The following PHOSPHO1 variants were observed in gnomAD, a reference collection of about 807,000 sequenced individuals.
PHOSPHO1 encodes phosphoethanolamine/phosphocholine phosphatase 1.
Under a neutral mutation model 17.7 loss-of-function variants are expected in PHOSPHO1, and 6 were observed. That is an observed-to-expected ratio of 0.34 (90% CI 0.19 to 0.67). The LOEUF (loss-of-function observed/expected upper bound fraction) is 0.67, where lower values mean the gene tolerates loss of function less well. Among genes scored for constraint, PHOSPHO1 ranks in the 30% least tolerant of loss-of-function variants. PHOSPHO1 has a pLI of 0.69. For synonymous variants in PHOSPHO1, 159 were observed against 174.6 expected (o/e 0.91, Z 0.71); for missense variants, 330 against 392.1 (o/e 0.84, Z 1.34).
intron 1 of PHOSPHO1, among the ~76,000 whole-genome samples, chr17:49,229,318 T>G (rs1193420272): frequency 6.6e-6 from 1 of 151,962 alleles, no homozygotes; most frequent in Non-Finnish European, 1.5e-5. Context: ...TCCCTCAGAG[T>G]AGGGGGCAGG....
chr17:49,229,202 AC>A (rs1567890702), intron 1 of PHOSPHO1: 1 of 152,066 alleles, frequency 6.6e-6, no homozygotes. Flanking sequence ...AGTCAGAGGA[AC>A]CCCTTCCCCA....
intron 1 of PHOSPHO1, among the ~76,000 whole-genome samples, chr17:49,228,787 CAAAAAAAAA>C (rs71144585): frequency 1.3e-5 from 1 of 78,828 alleles, no homozygotes; most frequent in Non-Finnish European, 2.5e-5. Context: ...GACTCCGTCT[CAAAAAAAAA>C]AAAAAAAAAA....
chr17:49,224,885 G>A lies in PHOSPHO1; in HGVS notation c.165C>T (p.Leu55=), dbSNP rs1364860776. ...SIVRAAPGQR[L]PESLRATYRE... The stretch of plus-strand genomic sequence containing the variant: ...GGTAGGTGGCTCGCAGGCTCTCCGG[G>A]AGCCGCTGGCCCGGCGCGGCGCGCA... The change falls in exon 3 of 3, where the codon CTC becomes CTT. Residue 55 remains leucine, a synonymous_variant. Coordinates refer to ENST00000310544, the MANE Select transcript of PHOSPHO1 (RefSeq NM_178500.4). The A allele has an allele frequency of 7.5e-6, 12 of 1,604,630 alleles. No homozygotes were observed. Among genetic ancestry groups the A allele is most frequent in the Non-Finnish European group, 9.4e-6 (11 of 1,176,348 alleles).
intron 1 of PHOSPHO1, among the ~76,000 whole-genome samples, chr17:49,227,518 C>T (rs751178676): frequency 6.6e-6 from 1 of 152,128 alleles, no homozygotes; most frequent in Admixed American, 6.5e-5. Context: ...TTGAATGAGA[C>T]CAGAAGCAGC....
In PHOSPHO1 at chr17:49,224,255, C is replaced by G; in HGVS notation, c.795G>C (p.Lys265Asn). ...CTGCAGGCGGCCAGACTCAGCACGACTTCAGCACCTGTTGCAGGTGGAGGC... is the reference window on the plus strand; with the variant it reads ...CTGCAGGCGGCCAGACTCAGCACGAGTTCAGCACCTGTTGCAGGTGGAGGC... ...DVRLHLQQVLKSC is the reference protein window; with the variant it reads ...DVRLHLQQVLNSC Residue 265 changes from lysine (K) to asparagine (N), a missense_variant, in exon 3 of 3, where the codon AAG becomes AAC. Transcript: ENST00000310544. 6.3e-7 allele frequency: 1 copy of G among 1,581,828 alleles called. No individual in the cohort carries two copies. The highest frequency in any genetic ancestry group is 8.6e-7 in the Non-Finnish European group (1 of 1,168,540).
chr17:49,228,683 G>C (rs981977147), intron 1 of PHOSPHO1, among the ~76,000 whole-genome samples: 3 of 151,768 alleles, frequency 2.0e-5, no homozygotes, highest in Non-Finnish European at 4.4e-5. Context: ...CCAGCTACTC[G>C]GGAGGCTGAG....
intron 1 of PHOSPHO1, 48 bp from the exon 2 acceptor site, chr17:49,226,806 G>T: frequency 8.1e-7 from 1 of 1,229,566 alleles, no homozygotes; most frequent in Non-Finnish European, 1.2e-6. Flanking sequence ...AGCTGACTTT[G>T]CTTCCACCAG....
intron 2 of PHOSPHO1, 54 bp from the exon 3 acceptor site, chr17:49,225,058 G>C (rs1447427599): frequency 2.8e-6 from 4 of 1,449,052 alleles, no homozygotes; most frequent in East Asian, 2.5e-5. Context: ...GCAAGCGAGA[G>C]GGGGCGCGGC....
chr17:49,226,359 T>A (rs2043357221), intron 2 of PHOSPHO1, among the ~76,000 whole-genome samples: 1 of 152,188 alleles, frequency 6.6e-6, no homozygotes, highest in Non-Finnish European at 1.5e-5. Context: ...ATTGGCTATC[T>A]GCCTCCCTAA....
Position 49,224,940 on chromosome 17 carries a change from A to G in PHOSPHO1, c.110T>C (p.Ile37Thr). 6.3e-7 allele frequency: 1 copy of G among 1,589,298 alleles called. No homozygotes were observed. Among genetic ancestry groups the G allele is most frequent in the Non-Finnish European group, 8.6e-7 (1 of 1,168,876 alleles). Residue 37 changes from isoleucine (I) to threonine (T), a missense_variant, in exon 3 of 3, where the codon ATC becomes ACC. Physicochemically the swap from Ile to Thr is moderately conservative, Grantham distance 89. Transcript: ENST00000310544. The part of the protein sequence containing the change: ...FLLTFDFDET[I>T]VDENSDDSIV... ...CGAATCGTCGCTGTTTTCGTCCACG[A>G]TAGTCTCGTCGAAGTCGAAGGTCAG...
rs1203664891 is a variant in PHOSPHO1, at chr17:49,227,991, T to C, written c.-67-1233A>G. On this transcript the variant is annotated intron_variant, in intron 1 of 2. Transcript: ENST00000310544. ...ACAAGGAAATGGCATGGGTTGGAGC[T>C]GTCCCCAGTCCCTATCTGGAGGGAC... Among the ~76,000 whole-genome samples, 3 of 152,146 alleles carry C rather than the reference T, an allele frequency of 2.0e-5. No individual in the cohort carries two copies. The East Asian group carries it at 5.8e-4, about 29-fold the overall frequency.
chr17:49,226,917 A>G (rs1451536511), intron 1 of PHOSPHO1, among the ~76,000 whole-genome samples, 159 bp from the exon 2 acceptor site: 1 of 152,184 alleles, frequency 6.6e-6, no homozygotes, highest in Non-Finnish European at 1.5e-5. Context: ...CTACAACTCT[A>G]GAGAGGTTTC....
intron 1 of PHOSPHO1, among the ~76,000 whole-genome samples, chr17:49,228,769 G>A (rs1413972959): frequency 1.5e-5 from 2 of 136,464 alleles, no homozygotes; most frequent in African/African-American, 2.8e-5. Context: ...CAGCCTGGGC[G>A]ACAGCGAGAC....
In PHOSPHO1 at chr17:49,224,493, C is replaced by T. The variant is rs569600565; in HGVS notation, c.557G>A (p.Arg186His). 48 of 1,571,656 alleles carry T rather than the reference C, an allele frequency of 3.1e-5. No individual in the cohort carries two copies. The highest frequency in any genetic ancestry group is 4.0e-5 in the Non-Finnish European group (47 of 1,161,324). The change falls in exon 3 of 3, where the codon CGC becomes CAC. Residue 186 changes from arginine to histidine, a missense_variant. Physicochemically the swap from Arg to His is conservative, Grantham distance 29. Transcript: ENST00000310544. ...CKHKVLSDYLRERAHDGVHFE... is the reference protein window; with the variant it reads ...CKHKVLSDYLHERAHDGVHFE... ...GTGCACGCCGTCGTGGGCCCGCTCG[C>T]GCAGGTAGTCGCTGAGCACCTTGTG... is the stretch of plus-strand genomic sequence containing the variant.
At chr17:49,227,194 A>C (rs2043365821) in intron 1 of PHOSPHO1, among the ~76,000 whole-genome samples, 1 of 152,176 alleles carries the variant, frequency 6.6e-6, no homozygotes, top group South Asian at 2.1e-4. Context: ...TGGGGCATAG[A>C]CTGCTTCATG....
chr17:49,224,052 G>A lies in PHOSPHO1; in HGVS notation c.*194C>T. On this transcript the variant is annotated 3_prime_UTR_variant, in exon 3 of 3. Coordinates refer to ENST00000310544, the MANE Select transcript of PHOSPHO1 (RefSeq NM_178500.4). ...GCACAGTGGAGTGGGGGAGGCAGCCGAGGTGGGTTAACTGAATAGATAGGG... is the reference window on the plus strand; with the variant it reads ...GCACAGTGGAGTGGGGGAGGCAGCCAAGGTGGGTTAACTGAATAGATAGGG... The A allele has an allele frequency of 1.2e-6, 1 of 808,560 alleles. No individual in the cohort carries two copies. The highest frequency in any genetic ancestry group is 1.8e-6 in the Non-Finnish European group (1 of 541,212). The allele number at this position is 808,560 out of a possible 1,614,324, so 50.1% of individuals were successfully genotyped here.
chr17:49,228,713 C>T (rs1406764936), intron 1 of PHOSPHO1, among the ~76,000 whole-genome samples: 1 of 150,718 alleles, frequency 6.6e-6, no homozygotes, highest in African/African-American at 2.5e-5. Context: ...TGGCGTGAAC[C>T]CGGGAGGCGG....
chr17:49,225,463 A>G (rs1412001534), intron 2 of PHOSPHO1: 1 of 985,208 alleles, frequency 1.0e-6, no homozygotes. Context: ...CCTGAGGTAG[A>G]GTCAAGGGAA....
chr17:49,228,662 C>T (rs916543992), intron 1 of PHOSPHO1, among the ~76,000 whole-genome samples: 8 of 151,766 alleles, frequency 5.3e-5, no homozygotes, highest in African/African-American at 1.9e-4. Context: ...TGGTGGCGGG[C>T]GCCTGTAGTC....
Sources: gnomAD v4.1 joint callset for allele counts (sites outside exome capture counted in the v4.1 genomes callset) on GRCh38, gnomAD v4.1.1 for gene constraint, MANE v1.5 for transcripts, NCBI Gene and HGNC (gene_info 2026-07-23, HGNC 2026-07-21) for gene names.